The following XKR9 variants were observed in gnomAD, a reference collection of about 807,000 sequenced individuals.
The protein encoded by XKR9 is XK-related protein 9.
A neutral mutation model predicts 32.0 loss-of-function variants in XKR9; 32 were observed. The ratio of observed to expected loss-of-function variants is 1.00; its 90% CI spans 0.76 to 1.34. The LOEUF is 1.34. Among genes scored for constraint, XKR9 ranks in the 40% most tolerant of loss-of-function variants. The probability of loss-of-function intolerance (pLI) is 0.00; values close to 1 mark genes in which losing one functional copy is unlikely to be tolerated. For missense variants in XKR9, 546 were observed against 429.7 expected, an observed-to-expected ratio of 1.27 and a Z score of -2.39; for synonymous variants, 168 against 143.4, an observed-to-expected ratio of 1.17 and a Z score of -1.22.
At chr8:70,950,619 A>G in the XKR9 span, among the ~76,000 whole-genome samples, 2 of 152,038 alleles carry the variant, frequency 1.3e-5, no homozygotes, top group Non-Finnish European at 2.9e-5. Context: ...AGGCCATCCA[A>G]TGGTTGTGGA....
downstream of XKR9, among the ~76,000 whole-genome samples, chr8:70,739,683 C>A (rs1007515000): frequency 9.2e-5 from 14 of 152,226 alleles, no homozygotes; most frequent in African/African-American, 3.1e-4. Context: ...AATCTCTCAG[C>A]ATTTGCTTGT....
chr8:70,820,633 T>G, the XKR9 span, among the ~76,000 whole-genome samples: 3 of 152,120 alleles, frequency 2.0e-5, no homozygotes, highest in African/African-American at 7.2e-5. Flanking sequence ...TCAACATGGC[T>G]GGGGAGGCCT....
At chr8:70,990,733 A>AAGAGAG in the XKR9 span, among the ~76,000 whole-genome samples, 618 of 143,278 alleles carry the variant, frequency 4.3e-3, 2 homozygotes, top group African/African-American at 0.012. Flanking sequence ...TTGGCAGAAT[A>AAGAGAG]AGAGAGAGAG....
chr8:71,002,907 C>T, the XKR9 span, among the ~76,000 whole-genome samples: 1 of 152,234 alleles, frequency 6.6e-6, no homozygotes, highest in African/African-American at 2.4e-5. Context: ...CCTTGTTAGA[C>T]TGTCAGAAGT....
the XKR9 span, among the ~76,000 whole-genome samples, chr8:71,011,003 T>C: frequency 6.6e-6 from 1 of 152,154 alleles, no homozygotes; most frequent in Non-Finnish European, 1.5e-5. Context: ...TATGTTTAAT[T>C]ACGATCCCTT....
intron 4 of XKR9, among the ~76,000 whole-genome samples, chr8:70,721,092 G>T (rs1417370472): frequency 8.5e-5 from 13 of 152,128 alleles, no homozygotes; most frequent in Admixed American, 8.5e-4. Context: ...TTGCATAGAG[G>T]TGTTTATAGT....
chr8:70,868,450 C>T, the XKR9 span, among the ~76,000 whole-genome samples: 23 of 152,218 alleles, frequency 1.5e-4, no homozygotes, highest in Non-Finnish European at 3.1e-4. Flanking sequence ...GTTTCAACAC[C>T]AGGTGGAAGC....
the XKR9 span, among the ~76,000 whole-genome samples, chr8:70,806,014 A>C: frequency 2.6e-5 from 4 of 152,294 alleles, no homozygotes; most frequent in Non-Finnish European, 4.4e-5. Flanking sequence ...TACTGGCATC[A>C]GGTTGATGCC....
At chr8:70,984,623 T>G in the XKR9 span, among the ~76,000 whole-genome samples, 1 of 152,100 alleles carries the variant, frequency 6.6e-6, no homozygotes, top group Admixed American at 6.5e-5. Flanking sequence ...GGAAAAAAGG[T>G]AAAACAAAAT....
intron 2 of XKR9, among the ~76,000 whole-genome samples, chr8:70,757,482 T>A (rs559931797): frequency 7.2e-5 from 11 of 152,326 alleles, no homozygotes; most frequent in African/African-American, 1.2e-4. Context: ...TTTAAAAAAA[T>A]TTCTATTTAT....
chr8:70,991,482 T>A, the XKR9 span, among the ~76,000 whole-genome samples: 1 of 152,236 alleles, frequency 6.6e-6, no homozygotes, highest in Non-Finnish European at 1.5e-5. Flanking sequence ...TTGTAAATTG[T>A]GTTCAGAAAA....
At chr8:70,962,745 C>A in the XKR9 span, among the ~76,000 whole-genome samples, 1 of 152,164 alleles carries the variant, frequency 6.6e-6, no homozygotes, top group African/African-American at 2.4e-5. Context: ...TAAAGTCACA[C>A]ACAGTGATAG....
At chr8:70,884,789 C>A in the XKR9 span, among the ~76,000 whole-genome samples, 5 of 152,074 alleles carry the variant, frequency 3.3e-5, no homozygotes, top group Non-Finnish European at 7.4e-5. Flanking sequence ...ATAACTGTAG[C>A]TTTATAGTAA....
Position 70,735,713 on chromosome 8 carries a change from G to T in XKR9, c.*1289G>T, listed in dbSNP as rs1806844617. The T allele has an allele frequency of 6.7e-6, 1 of 148,270 alleles. No individual in the cohort carries two copies. Among genetic ancestry groups the T allele is most frequent in the African/African-American group, 2.5e-5 (1 of 40,096 alleles). The allele number at this position is 148,270 out of a possible 1,614,324, so 9.2% of individuals were successfully genotyped here. On this transcript the variant is annotated 3_prime_UTR_variant, in exon 5 of 5. Coordinates refer to ENST00000408926, the MANE Select transcript of XKR9 (RefSeq NM_001011720.2). ...CCACCTATGAGTGAGAATATGCAGTGTTTGGTTTTTTGTTCTTGCGATAGT... is the reference window on the plus strand; with the variant it reads ...CCACCTATGAGTGAGAATATGCAGTTTTTGGTTTTTTGTTCTTGCGATAGT...
chr8:70,770,519 A>G (rs147561060), intron 2 of XKR9, among the ~76,000 whole-genome samples: 9 of 152,218 alleles, frequency 5.9e-5, no homozygotes, highest in African/African-American at 1.9e-4. Flanking sequence ...CCACAGCCGC[A>G]TCTTCCTCCA....
At chr8:70,993,838 G>GT in the XKR9 span, among the ~76,000 whole-genome samples, 2 of 152,158 alleles carry the variant, frequency 1.3e-5, no homozygotes, top group East Asian at 1.9e-4. Context: ...GTGAGTGTAT[G>GT]TTTGGGGGGT....
At chr8:70,971,136 T>G in the XKR9 span, among the ~76,000 whole-genome samples, 1 of 152,306 alleles carries the variant, frequency 6.6e-6, no homozygotes, top group Middle Eastern at 3.4e-3. Context: ...CAACACCTAC[T>G]ATTTTTTTAT....
At chr8:70,699,031 T>G (rs1345636160) in intron 3 of XKR9, among the ~76,000 whole-genome samples, 4 of 152,222 alleles carry the variant, frequency 2.6e-5, no homozygotes, top group Non-Finnish European at 5.9e-5. Context: ...GTTTTCCATT[T>G]GCTTGGTAGA....
intron 2 of XKR9, among the ~76,000 whole-genome samples, chr8:70,760,764 A>G (rs999028301): frequency 6.6e-6 from 1 of 152,170 alleles, no homozygotes. Context: ...GGTTTGTTAC[A>G]TAGGTAAGTG....
Sources: gnomAD v4.1 joint callset for allele counts (sites outside exome capture counted in the v4.1 genomes callset) on GRCh38, gnomAD v4.1.1 for gene constraint, MANE v1.5 for transcripts, NCBI Gene and HGNC (gene_info 2026-07-23, HGNC 2026-07-21) for gene names.